The following AFF1 variants were observed in gnomAD, a reference collection of about 807,000 sequenced individuals.
The protein encoded by AFF1 is AF4/FMR2 family member 1.
In AFF1, 48 loss-of-function variants were observed where a neutral mutation model predicts 121.7. That is an observed-to-expected ratio of 0.39 (90% CI 0.31 to 0.50). AFF1 has a LOEUF of 0.50. Among genes scored for constraint, AFF1 ranks in the 20% least tolerant of loss-of-function variants. AFF1 has a pLI of 0.76. For missense variants in AFF1, 1,523 were observed against 1,511.7 expected (o/e 1.01, Z -0.12); for synonymous variants, 613 against 563.0 (o/e 1.09, Z -1.26).
At chr4:86,987,934 CAG>C (rs1417520607) in intron 2 of AFF1, among the ~76,000 whole-genome samples, 1 of 90,446 alleles carries the variant, frequency 1.1e-5, no homozygotes, top group Admixed American at 1.4e-4. Context: ...GCTTGGGGGA[CAG>C]AGTGAGACTC....
Position 87,115,173 on chromosome 4 carries a change from A to T in AFF1, c.2340A>T (p.Ile780=). The change falls in exon 12 of 21, where the codon ATA becomes ATT. Residue 780 remains isoleucine, a synonymous_variant. Transcript: ENST00000395146. ...TCACCCTAGACCTGCTCTCTCGGAT[A>T]CCCCAGCCTCCCGGGAAGGGGAGCC... ...VKITLDLLSR[I]PQPPGKGSRQ... The T allele has an allele frequency of 6.2e-7, 1 of 1,614,116 alleles. No homozygotes were observed. The highest frequency in any genetic ancestry group is 1.1e-5 in the South Asian group (1 of 91,066).
At chr4:87,035,224 T>C (rs1458048340) in intron 2 of AFF1, among the ~76,000 whole-genome samples, 3 of 152,010 alleles carry the variant, frequency 2.0e-5, no homozygotes, top group African/African-American at 4.8e-5. Flanking sequence ...GGAAGGGTGC[T>C]CTTACCTGGG....
chr4:86,949,537 A>ATTATTAT (rs57335156), intron 2 of AFF1: 86 of 248,348 alleles, frequency 3.5e-4, no homozygotes, highest in East Asian at 1.4e-3. Flanking sequence ...TATTATTATT[A>ATTATTAT]TTTTTTTTTT....
chr4:87,132,009 T>C (rs1728874517), intron 18 of AFF1, 145 bp downstream of exon 18: 1 of 795,520 alleles, frequency 1.3e-6, no homozygotes, highest in Non-Finnish European at 1.9e-6. Flanking sequence ...CCCTCACTGA[T>C]AGTAATTCTT....
chr4:86,968,359 G>C (rs935616877), intron 2 of AFF1, among the ~76,000 whole-genome samples: 1 of 152,078 alleles, frequency 6.6e-6, no homozygotes, highest in African/African-American at 2.4e-5. Context: ...ATTGGCCTCT[G>C]CCACCAAGAA....
intron 2 of AFF1, among the ~76,000 whole-genome samples, chr4:86,968,059 A>C (rs1391195321): frequency 6.6e-6 from 1 of 152,222 alleles, no homozygotes; most frequent in Admixed American, 6.5e-5. Flanking sequence ...GACAAAACCC[A>C]GGAGAGTGCT....
intron 4 of AFF1, among the ~76,000 whole-genome samples, chr4:87,062,429 TTAATA>T (rs1489848443): frequency 6.6e-6 from 1 of 152,136 alleles, no homozygotes; most frequent in Non-Finnish European, 1.5e-5. Context: ...GCCCTGCCTC[TTAATA>T]TTATCACCTT....
chr4:86,944,853 C>A (rs1166194387), intron 1 of AFF1, among the ~76,000 whole-genome samples: 1 of 152,162 alleles, frequency 6.6e-6, no homozygotes, highest in African/African-American at 2.4e-5. Flanking sequence ...ATAAAACTTA[C>A]ATATATGTGT....
chr4:87,036,872 G>A (rs1223825809), intron 2 of AFF1: 6 of 446,876 alleles, frequency 1.3e-5, no homozygotes, highest in African/African-American at 2.4e-5. Context: ...TTGCTCCATC[G>A]CTGAGGCTGG....
intron 2 of AFF1, among the ~76,000 whole-genome samples, chr4:87,005,006 C>T (rs1211638429): frequency 2.6e-5 from 4 of 152,090 alleles, no homozygotes; most frequent in Admixed American, 2.6e-4. Context: ...TTCATCCATG[C>T]ATGATTTTGG....
rs149367541 is a variant in AFF1 at position 86,956,866 on chromosome 4, T to C, written c.38+8295T>C. 8.6e-3 allele frequency among the ~76,000 whole-genome samples: 1,314 copies of C among 152,338 alleles called. 24 individuals carry two copies. Among genetic ancestry groups the C allele is most frequent in the African/African-American group, 0.03 (1,264 of 41,572 alleles). On this transcript the variant is annotated intron_variant, in intron 2 of 20. Transcript: ENST00000395146. ...ACTTTTTTGTTTTTATGAGCAATGTTCCACATATGTTTTTATTTCTTTTGG... is the reference window on the plus strand; with the variant it reads ...ACTTTTTTGTTTTTATGAGCAATGTCCCACATATGTTTTTATTTCTTTTGG...
At chr4:87,134,260 C>T (rs772049874) in intron 19 of AFF1, among the ~76,000 whole-genome samples, 1 of 152,132 alleles carries the variant, frequency 6.6e-6, no homozygotes, top group Non-Finnish European at 1.5e-5. Flanking sequence ...GTAGACTATG[C>T]GAATGGCATG....
chr4:87,082,689 A>G (rs978148135), intron 4 of AFF1, among the ~76,000 whole-genome samples: 3 of 152,146 alleles, frequency 2.0e-5, no homozygotes, highest in African/African-American at 7.2e-5. Flanking sequence ...TCGGCCTCCC[A>G]AAGTGCTGGG....
At chr4:87,025,242 G>A (rs1329418319) in intron 2 of AFF1, among the ~76,000 whole-genome samples, 1 of 152,170 alleles carries the variant, frequency 6.6e-6, no homozygotes, top group African/African-American at 2.4e-5. Flanking sequence ...CATTAATAAT[G>A]ACTCACAGTT....
intron 2 of AFF1, among the ~76,000 whole-genome samples, chr4:86,974,940 C>T: frequency 6.6e-6 from 1 of 152,126 alleles, no homozygotes; most frequent in Non-Finnish European, 1.5e-5. Context: ...CTAACTGTTG[C>T]CTCTTCCATC....
At chr4:86,953,239 C>T (rs1432820766) in intron 2 of AFF1, among the ~76,000 whole-genome samples, 1 of 151,922 alleles carries the variant, frequency 6.6e-6, no homozygotes, top group Non-Finnish European at 1.5e-5. Context: ...TTGGGGATAT[C>T]CTTTAAAAAG....
intron 16 of AFF1, among the ~76,000 whole-genome samples, chr4:87,130,763 T>C (rs7677288): frequency 0.02 from 3,099 of 152,342 alleles, 119 homozygotes; most frequent in African/African-American, 0.071. Flanking sequence ...AAGGAAGTTA[T>C]AGAATGAGTA....
intron 2 of AFF1, among the ~76,000 whole-genome samples, chr4:87,033,020 C>G (rs1409112830): frequency 1.3e-5 from 2 of 152,214 alleles, no homozygotes; most frequent in South Asian, 2.1e-4. Context: ...CATGATGGTG[C>G]ATGCCTGTAG....
intron 1 of AFF1, among the ~76,000 whole-genome samples, chr4:86,943,397 T>A (rs1299253578): frequency 1.3e-5 from 2 of 152,212 alleles, no homozygotes; most frequent in Non-Finnish European, 2.9e-5. Context: ...GACTTATCCC[T>A]AACACATTGC....
Sources: allele counts gnomAD v4.1 joint callset (sites outside exome capture counted in the v4.1 genomes callset), GRCh38; gene constraint gnomAD v4.1.1; transcripts MANE v1.5; gene names NCBI Gene and HGNC (gene_info 2026-07-23, HGNC 2026-07-21).